The following CAMTA1 variants were observed in gnomAD, a reference collection of about 807,000 sequenced individuals.
CAMTA1 encodes calmodulin binding transcription activator 1, also known as calmodulin-binding transcription activator 1.
In CAMTA1, 27 loss-of-function variants were observed where a neutral mutation model predicts 170.9. The observed-to-expected ratio is 0.16, with a 90% CI of 0.12 to 0.22. CAMTA1 has a LOEUF of 0.22. Among genes scored for constraint, CAMTA1 ranks in the 10% least tolerant of loss-of-function variants. CAMTA1 has a pLI of 1.00. For synonymous variants in CAMTA1, 833 were observed against 891.5 expected (o/e 0.93, Z 1.17); for missense variants, 1,619 against 2,217.2 (o/e 0.73, Z 5.42).
intron 6 of CAMTA1, among the ~76,000 whole-genome samples, chr1:7,481,980 C>T (rs2093545745): frequency 6.6e-6 from 1 of 152,106 alleles, no homozygotes; most frequent in Non-Finnish European, 1.5e-5. Context: ...CCTTTGCAGT[C>T]AATACCCACT....
At position 7,349,455 on chromosome 1, in the gene CAMTA1, C is replaced by T. The variant is rs115171453; in HGVS notation, c.438+99829C>T. On this transcript the variant is annotated intron_variant, in intron 5 of 22. Transcript: ENST00000303635. ...TCTGTCATTGACATGTGTCCTCTGT[C>T]CAGCTGCCTAGGGCTGATCCCATGC... 3.6e-3 allele frequency among the ~76,000 whole-genome samples: 551 copies of T among 152,332 alleles called. 2 individuals are homozygous for T. Among genetic ancestry groups the T allele is most frequent in the Non-Finnish European group, 5.6e-3 (384 of 68,036 alleles).
chr1:7,667,257 C>T (rs148812836), intron 9 of CAMTA1, among the ~76,000 whole-genome samples: 50 of 152,196 alleles, frequency 3.3e-4, no homozygotes, highest in African/African-American at 1.1e-3. Context: ...ACACCCCCCA[C>T]CCCACCCCAT....
chr1:6,804,129 T>C (rs1440527961), intron 1 of CAMTA1, among the ~76,000 whole-genome samples: 1 of 151,026 alleles, frequency 6.6e-6, no homozygotes, highest in Non-Finnish European at 1.5e-5. Flanking sequence ...GGTTGCAGTG[T>C]GTCGAGATTG....
chr1:7,294,107 A>C (rs554588237), intron 5 of CAMTA1, among the ~76,000 whole-genome samples: 18 of 152,180 alleles, frequency 1.2e-4, no homozygotes, highest in African/African-American at 4.1e-4. Flanking sequence ...GAACAAGCTC[A>C]CCCTCCATCA....
At chr1:6,865,966 T>A (rs143464193) in intron 3 of CAMTA1, among the ~76,000 whole-genome samples, 1 of 152,182 alleles carries the variant, frequency 6.6e-6, no homozygotes, top group African/African-American at 2.4e-5. Context: ...TCTTGGCATT[T>A]AAAAAAATGT....
At chr1:7,631,564 G>A (rs1373670596) in intron 6 of CAMTA1, among the ~76,000 whole-genome samples, 2 of 152,194 alleles carry the variant, frequency 1.3e-5, no homozygotes, top group African/African-American at 2.4e-5. Context: ...GGTATGTGCT[G>A]TGGGTCCAGG....
chr1:7,491,950 G>A (rs961974298), intron 6 of CAMTA1, among the ~76,000 whole-genome samples: 3 of 152,172 alleles, frequency 2.0e-5, no homozygotes, highest in Non-Finnish European at 4.4e-5. Flanking sequence ...GCTCTGGCCA[G>A]CTCACCCTGG....
In CAMTA1 at chr1:7,060,728, A is replaced by G. The variant is rs551111342; in HGVS notation, c.235-30576A>G. Among the ~76,000 whole-genome samples, 251 of 152,302 alleles carry G rather than the reference A, an allele frequency of 1.6e-3. 2 individuals carry two copies. Among genetic ancestry groups the G allele is most frequent in the Non-Finnish European group, 2.7e-3 (185 of 68,036 alleles). On this transcript the variant is annotated intron_variant, in intron 3 of 22. Coordinates refer to ENST00000303635, the MANE Select transcript of CAMTA1 (RefSeq NM_015215.4). ...CTTTTTGCCCCACCTGGAGCAGCAG[A>G]CATTCTCTTCCGATTGCGGAAAGTT...
At chr1:6,809,954 A>G (rs1030291801) in intron 1 of CAMTA1, among the ~76,000 whole-genome samples, 1 of 152,232 alleles carries the variant, frequency 6.6e-6, no homozygotes, top group African/African-American at 2.4e-5. Flanking sequence ...CCGTGGTGGC[A>G]TATACAGAGT....
intron 5 of CAMTA1, among the ~76,000 whole-genome samples, chr1:7,313,165 G>A (rs987868027): frequency 6.6e-6 from 1 of 152,124 alleles, no homozygotes; most frequent in Admixed American, 6.5e-5. Context: ...GAATCATAAA[G>A]GTCCTTAGAC....
At chr1:7,353,908 C>G (rs1236376344) in intron 5 of CAMTA1, among the ~76,000 whole-genome samples, 1 of 151,940 alleles carries the variant, frequency 6.6e-6, no homozygotes, top group Non-Finnish European at 1.5e-5. Context: ...CACCTTCTGC[C>G]CACCCTCCAC....
chr1:6,998,391 T>C (rs538273744), intron 3 of CAMTA1, among the ~76,000 whole-genome samples: 79 of 152,374 alleles, frequency 5.2e-4, no homozygotes, highest in Non-Finnish European at 1.1e-3. Context: ...TCCCCTCATC[T>C]GAGTCCAGAG....
At chr1:7,334,327 C>T in intron 5 of CAMTA1, among the ~76,000 whole-genome samples, 1 of 152,186 alleles carries the variant, frequency 6.6e-6, no homozygotes, top group East Asian at 1.9e-4. Flanking sequence ...GTGACCTCTC[C>T]ATTCCTTGGC....
At chr1:7,208,895 A>G (rs1658247179) in intron 4 of CAMTA1, among the ~76,000 whole-genome samples, 2 of 152,172 alleles carry the variant, frequency 1.3e-5, no homozygotes, top group Non-Finnish European at 2.9e-5. Flanking sequence ...AGCCCTTCGT[A>G]TAGAAAGCTA....
intron 5 of CAMTA1, among the ~76,000 whole-genome samples, chr1:7,344,489 A>G (rs983923180): frequency 2.0e-5 from 3 of 152,230 alleles, no homozygotes; most frequent in Admixed American, 6.5e-5. Context: ...CATGAGACTC[A>G]TGAATATTCA....
chr1:7,225,326 C>T (rs1339224710), intron 4 of CAMTA1, among the ~76,000 whole-genome samples: 2 of 152,094 alleles, frequency 1.3e-5, no homozygotes, highest in Admixed American at 6.5e-5. Context: ...CCTCGTGATC[C>T]GCCTGCCTCG....
At chr1:7,203,832 T>C (rs1011350754) in intron 4 of CAMTA1, among the ~76,000 whole-genome samples, 25 of 151,458 alleles carry the variant, frequency 1.7e-4, no homozygotes, top group Non-Finnish European at 3.7e-4. Flanking sequence ...TTTACTTTTC[T>C]TTCTTTTTTT....
chr1:6,937,288 C>T (rs111163292), intron 3 of CAMTA1, among the ~76,000 whole-genome samples: 1 of 26,172 alleles, frequency 3.8e-5, no homozygotes, highest in Admixed American at 3.9e-4. Context: ...CATCACCATC[C>T]CCATTCACTA....
At chr1:7,305,974 T>C (rs1050963013) in intron 5 of CAMTA1, among the ~76,000 whole-genome samples, 2 of 152,072 alleles carry the variant, frequency 1.3e-5, no homozygotes, top group Non-Finnish European at 2.9e-5. Flanking sequence ...AAGTGAAGTA[T>C]CTGTCCAAAT....
Sources: gnomAD v4.1 joint callset for allele counts (sites outside exome capture counted in the v4.1 genomes callset) on GRCh38, gnomAD v4.1.1 for gene constraint, MANE v1.5 for transcripts, NCBI Gene and HGNC (gene_info 2026-07-23, HGNC 2026-07-21) for gene names.